Variants in SNCAIP observed in about 807,000 individuals in gnomAD.
SNCAIP encodes the protein synuclein alpha interacting protein, also known as synphilin-1.
In SNCAIP, 43 loss-of-function variants were observed where a neutral mutation model predicts 86.7. The ratio of observed to expected loss-of-function variants is 0.50; its 90% confidence interval spans 0.39 to 0.64. The LOEUF (loss-of-function observed/expected upper bound fraction) is 0.64. Among genes scored for constraint, SNCAIP ranks in the 30% least tolerant of loss-of-function variants. The pLI is 0.00. For synonymous variants in SNCAIP, 417 were observed against 427.2 expected, an observed-to-expected ratio of 0.98 and a Z score of 0.29; for missense variants, 981 against 1,103.1, an observed-to-expected ratio of 0.89 and a Z score of 1.57.
intron 10 of SNCAIP, among the ~76,000 whole-genome samples, chr5:122,460,546 C>T (rs150786602): frequency 7.2e-5 from 11 of 152,216 alleles, no homozygotes; most frequent in Non-Finnish European, 1.2e-4. Flanking sequence ...CTCTCACACA[C>T]GCACCTACAC....
chr5:122,372,783 T>C (rs998487005), intron 1 of SNCAIP, among the ~76,000 whole-genome samples: 1 of 151,988 alleles, frequency 6.6e-6, no homozygotes, highest in Non-Finnish European at 1.5e-5. Flanking sequence ...AGATGTCTTC[T>C]TTTTCTCCCT....
At chr5:122,389,942 T>C (rs1768993321) in intron 1 of SNCAIP, 2 of 152,098 alleles carry the variant, frequency 1.3e-5, no homozygotes, top group Non-Finnish European at 2.9e-5. Flanking sequence ...AAAGAAAGAA[T>C]GGCTCAACAT....
chr5:122,451,369 G>A lies in SNCAIP; in HGVS notation c.2522G>A (p.Gly841Asp). ...AATGGAGAAAAAGACAAAGATAAGG[G>A]CAGGACTCTCCAGCGGACCTCCACA... Reference protein sequence around the residue: ...ELNGEKDKDKGRTLQRTSTSN... With the variant: ...ELNGEKDKDKDRTLQRTSTSN... Residue 841 changes from glycine to aspartate, a missense_variant, in exon 10 of 11, where the codon GGC becomes GAC. Gly to Asp is a moderately conservative substitution (Grantham distance 94, BLOSUM62 -1). Coordinates refer to ENST00000261368, the MANE Select transcript of SNCAIP (RefSeq NM_005460.4). 2 of 1,614,108 alleles carry A rather than the reference G, an allele frequency of 1.2e-6. No individual in the cohort carries two copies. The highest frequency in any genetic ancestry group is 1.7e-6 in the Non-Finnish European group (2 of 1,180,012).
intron 1 of SNCAIP, among the ~76,000 whole-genome samples, chr5:122,319,497 G>A (rs572198701): frequency 1.1e-3 from 166 of 152,300 alleles, no homozygotes; most frequent in Non-Finnish European, 2.1e-3. Flanking sequence ...CACTTTGGAA[G>A]CCACAGAAAC....
intron 2 of SNCAIP, among the ~76,000 whole-genome samples, chr5:122,393,346 A>G (rs571072775): frequency 5.9e-5 from 9 of 152,326 alleles, no homozygotes; most frequent in African/African-American, 1.2e-4. Context: ...CCTCACAGCA[A>G]TCTTCTAAAG....
intron 2 of SNCAIP, among the ~76,000 whole-genome samples, chr5:122,400,676 G>T (rs1037618562): frequency 6.6e-6 from 1 of 152,176 alleles, no homozygotes; most frequent in Non-Finnish European, 1.5e-5. Context: ...TGAAATGGTG[G>T]CATTTGCCTG....
chr5:122,436,685 T>C (rs1290527009), intron 6 of SNCAIP: 2 of 152,200 alleles, frequency 1.3e-5, no homozygotes, highest in East Asian at 3.8e-4. Flanking sequence ...AGCTAACTCC[T>C]TTTAAAACAT....
Position 122,432,046 on chromosome 5 carries a change from T to C in SNCAIP, c.1260T>C (p.Phe420=), listed in dbSNP as rs1778511422. ...AIAELSCSKD[F]PSLIHYAGCY... ...CAGAACTGAGTTGTTCTAAGGATTT[T>C]CCAAGCCTTATTCATTACGCAGGTT... Residue 420 remains phenylalanine (F), a synonymous_variant, in exon 6 of 11, where the codon TTT becomes TTC. Coordinates refer to ENST00000261368, the MANE Select transcript of SNCAIP (RefSeq NM_005460.4). The C allele has an allele frequency of 2.5e-6, 4 of 1,602,678 alleles. No homozygotes were observed. The highest frequency in any genetic ancestry group is 3.4e-6 in the Non-Finnish European group (4 of 1,169,810).
Position 122,425,471 on chromosome 5 carries a change from A to T in SNCAIP, c.1122A>T (p.Gly374=). ...TACAGCACCTCACTTCTTTGATGGG[A>T]GAAGACTGCCTCAATGAGCGCAACA... is the stretch of plus-strand genomic sequence containing the variant. ...ECLQHLTSLM[G]EDCLNERNTE... The change falls in exon 5 of 11, where the codon GGA becomes GGT. Residue 374 remains glycine, a synonymous_variant. Transcript: ENST00000261368. 6.2e-7 allele frequency: 1 copy of T among 1,614,064 alleles called. No individual in the cohort carries two copies. Among genetic ancestry groups the T allele is most frequent in the Non-Finnish European group, 8.5e-7 (1 of 1,179,956 alleles).
chr5:122,433,781 G>C (rs1198297001), intron 6 of SNCAIP, among the ~76,000 whole-genome samples: 1 of 152,148 alleles, frequency 6.6e-6, no homozygotes, highest in Non-Finnish European at 1.5e-5. Flanking sequence ...AACTTAAAAT[G>C]GTTCAACTTA....
intron 1 of SNCAIP, among the ~76,000 whole-genome samples, chr5:122,341,131 C>T (rs1757489792): frequency 6.6e-6 from 1 of 152,196 alleles, no homozygotes; most frequent in Admixed American, 6.5e-5. Context: ...GAAATTTCTA[C>T]TTTATGTCTT....
At chr5:122,321,524 T>C (rs1561505322) in intron 1 of SNCAIP, 1 of 152,164 alleles carries the variant, frequency 6.6e-6, no homozygotes, top group Non-Finnish European at 1.5e-5. Context: ...CAAACCTGGG[T>C]TCTTGAGGGA....
In SNCAIP at chr5:122,463,657, A is replaced by G. The variant is rs762790786; in HGVS notation, c.*161A>G. On this transcript the variant is annotated 3_prime_UTR_variant, in exon 11 of 11. Transcript: ENST00000261368. ...GACTATCCTCTTTGGAAAGAGAACC[A>G]TGAAAACAATGCCTCACCAGCAGAA... 1.0e-5 allele frequency: 7 copies of G among 671,638 alleles called. No individual in the cohort carries two copies. The highest frequency in any genetic ancestry group is 1.5e-5 in the Non-Finnish European group (6 of 390,264). The allele number at this position is 671,638 out of a possible 1,614,324, so 41.6% of individuals were successfully genotyped here.
chr5:122,413,539 C>T (rs1410125511), intron 3 of SNCAIP, among the ~76,000 whole-genome samples: 2 of 151,820 alleles, frequency 1.3e-5, no homozygotes, highest in South Asian at 2.1e-4. Context: ...TTTTATTTAC[C>T]TGTGTACTTG....
rs777986089 is a variant in SNCAIP, at chr5:122,423,265, A to G, written c.528A>G (p.Arg176=). 6.2e-7 allele frequency: 1 copy of G among 1,614,164 alleles called. No homozygotes were observed. Among genetic ancestry groups the G allele is most frequent in the Non-Finnish European group, 8.5e-7 (1 of 1,180,028 alleles). ...TTACCAAGGTGACTTCAGAAAAAAG[A>G]ATTTTGGGCTTATGCACAACCATCA... ...ASFTKVTSEK[R]ILGLCTTING... The change falls in exon 4 of 11, where the codon AGA becomes AGG. Residue 176 remains arginine (R), a synonymous_variant. Coordinates refer to ENST00000261368, the MANE Select transcript of SNCAIP (RefSeq NM_005460.4).
intron 3 of SNCAIP, among the ~76,000 whole-genome samples, chr5:122,420,385 A>T (rs1776142169): frequency 6.6e-6 from 1 of 152,104 alleles, no homozygotes; most frequent in Non-Finnish European, 1.5e-5. Flanking sequence ...TGAACCTACG[A>T]CCTTATATAA....
chr5:122,398,665 G>A lies in SNCAIP; in HGVS notation c.58-5128G>A, dbSNP rs573180808. On this transcript the variant is annotated intron_variant, in intron 2 of 10. Transcript: ENST00000261368. ...TGTTTCTTTTGGAAACTTTTATGGG[G>A]CCTTAGTAGTTTGAAAGTCTCTAGC... Among the ~76,000 whole-genome samples the A allele has an allele frequency of 2.0e-5, 3 of 152,200 alleles. No individual in the cohort carries two copies. In the South Asian group the frequency reaches 6.2e-4, roughly 32 times the overall value.
At chr5:122,430,578 G>A (rs1778211712) in intron 5 of SNCAIP, among the ~76,000 whole-genome samples, 1 of 152,096 alleles carries the variant, frequency 6.6e-6, no homozygotes, top group Non-Finnish European at 1.5e-5. Context: ...ATCAGAATCT[G>A]GGTTTTAATC....
At chr5:122,380,488 C>T (rs928819590) in intron 1 of SNCAIP, among the ~76,000 whole-genome samples, 1 of 150,204 alleles carries the variant, frequency 6.7e-6, no homozygotes, top group Non-Finnish European at 1.5e-5. Context: ...TTTCAAAAAA[C>T]CAGCTCCTGA....
Sources: allele counts gnomAD v4.1 joint callset (sites outside exome capture counted in the v4.1 genomes callset), GRCh38; gene constraint gnomAD v4.1.1; transcripts MANE v1.5; gene names NCBI Gene and HGNC (gene_info 2026-07-23, HGNC 2026-07-21).